The following NIBAN2 variants were observed in gnomAD, a reference collection of about 807,000 sequenced individuals.
The protein encoded by NIBAN2 is protein Niban 2.
NIBAN2 carries 36 observed loss-of-function variants against 81.8 expected under a neutral mutation model. The observed-to-expected ratio is 0.44, with a 90% CI of 0.34 to 0.58. NIBAN2 has a LOEUF of 0.58. NIBAN2 is among the 20% of genes least tolerant of loss of function. NIBAN2 has a pLI of 0.02. For missense variants in NIBAN2, 897 were observed against 1,014.1 expected (o/e 0.88, Z 1.57); for synonymous variants, 445 against 441.6 (o/e 1.01, Z -0.10).
At chr9:127,546,031 C>A (rs1390797688) in intron 1 of NIBAN2, among the ~76,000 whole-genome samples, 1 of 152,164 alleles carries the variant, frequency 6.6e-6, no homozygotes, top group Non-Finnish European at 1.5e-5. Context: ...AGCGTCACCA[C>A]CCAGAGCAGG....
At position 127,527,244 on chromosome 9, in the gene NIBAN2, A is replaced by G; in HGVS notation, c.265T>C (p.Phe89Leu). ...CCGTAGTTGTGGGGCACGAGGCTGA[A>G]GCGGTTTCTCCACTTCTTGCTGTCC... ...QEDSKKWRNR[F>L]SLVPHNYGLV... The change falls in exon 3 of 14, where the codon TTC (phenylalanine) becomes CTC (leucine). Residue 89 changes from phenylalanine (F) to leucine (L), a missense_variant. Around this residue, in one of 3 missense-constraint regions of NIBAN2, gnomAD observed 209 missense variants for 208.4 expected, o/e 1.00. Transcript: ENST00000373312. 6.2e-7 allele frequency: 1 copy of G among 1,613,824 alleles called. No individual in the cohort carries two copies. Among genetic ancestry groups the G allele is most frequent in the Non-Finnish European group, 8.5e-7 (1 of 1,179,968 alleles).
At position 127,507,357 on chromosome 9, in the gene NIBAN2, T is replaced by C. The variant is rs374596457; in HGVS notation, c.1729A>G (p.Asn577Asp). 1.9e-6 allele frequency: 3 copies of C among 1,539,518 alleles called. No individual in the cohort carries two copies. Among genetic ancestry groups the C allele is most frequent in the Non-Finnish European group, 1.8e-6 (2 of 1,141,200 alleles). ...DSMVMHNSDP[N>D]LHLLAEGAPI... The stretch of plus-strand genomic sequence containing the variant: ...GCGCCCTCGGCCAGCAGGTGCAGGT[T>C]GGGGTCGCTGTTGTGCATGACCATG... Residue 577 changes from asparagine to aspartate, a missense_variant, in exon 14 of 14, where the codon AAC becomes GAC. Physicochemically the swap from Asn to Asp is conservative, Grantham distance 23. Coordinates refer to ENST00000373312, the MANE Select transcript of NIBAN2 (RefSeq NM_022833.4). The surrounding 1 kb of genome is among the most constrained non-coding windows in gnomAD (Gnocchi z 6.8).
At chr9:127,519,657 A>T (rs1406200614) in intron 5 of NIBAN2, among the ~76,000 whole-genome samples, 2 of 152,194 alleles carry the variant, frequency 1.3e-5, no homozygotes, top group Non-Finnish European at 2.9e-5. Context: ...TCATCCCTAC[A>T]GCGCAGCTGC....
chr9:127,533,699 G>A (rs1009573660), intron 1 of NIBAN2, among the ~76,000 whole-genome samples: 4 of 152,250 alleles, frequency 2.6e-5, no homozygotes, highest in African/African-American at 7.2e-5. Context: ...GCTTGGGTGC[G>A]TGGAGGAGGT....
chr9:127,552,654 T>C (rs1454509636), intron 1 of NIBAN2, among the ~76,000 whole-genome samples: 4 of 149,984 alleles, frequency 2.7e-5, no homozygotes, highest in Admixed American at 1.3e-4. Flanking sequence ...TAAGTTAAAA[T>C]ATAGACTATT....
chr9:127,516,926 G>T lies in NIBAN2; in HGVS notation c.904C>A (p.Gln302Lys). ...TCCATGTCAGTTCGGATGACGGCCT[G>T]CATGGCCGGCTGCACCTGCTGCACC... ...SKVQQVQPAMQAVIRTDMDQI... is the reference protein window; with the variant it reads ...SKVQQVQPAMKAVIRTDMDQI... Residue 302 changes from glutamine (Q) to lysine (K), a missense_variant, in exon 8 of 14, where the codon CAG becomes AAG. Around this residue, in one of 3 missense-constraint regions of NIBAN2, gnomAD observed 619 missense variants for 691.0 expected, o/e 0.90. Coordinates refer to ENST00000373312, the MANE Select transcript of NIBAN2 (RefSeq NM_022833.4). 1.2e-6 allele frequency: 2 copies of T among 1,614,192 alleles called. No homozygotes were observed. The highest frequency in any genetic ancestry group is 2.7e-5 in the African/African-American group (2 of 75,056).
Position 127,578,528 on chromosome 9 carries a change from G to A in NIBAN2, c.16+394C>T, listed in dbSNP as rs945445043. 7.2e-5 allele frequency among the ~76,000 whole-genome samples: 11 copies of A among 151,948 alleles called. No homozygotes were observed. The East Asian group carries it at 1.9e-3, about 27-fold the overall frequency. The stretch of plus-strand genomic sequence containing the variant: ...TACAAAAAAATTAGCTGGGCATGGC[G>A]GTGGGGCCCTGTCATCCCAGCTACT... On this transcript the variant is annotated intron_variant, in intron 1 of 13. Coordinates refer to the NIBAN2 transcript ENST00000373314.
intron 1 of NIBAN2, among the ~76,000 whole-genome samples, chr9:127,540,514 A>C (rs1233020582): frequency 6.6e-6 from 1 of 152,166 alleles, no homozygotes. Context: ...TTTTGCTTGG[A>C]CACGTGCCCC....
Position 127,507,020 on chromosome 9 carries a change from T to A in NIBAN2, c.2066A>T (p.Glu689Val), listed in dbSNP as rs1229664414. 1 of 1,591,716 alleles carries A rather than the reference T, an allele frequency of 6.3e-7. No individual in the cohort carries two copies. Among genetic ancestry groups the A allele is most frequent in the South Asian group, 1.1e-5 (1 of 88,940 alleles). Residue 689 changes from glutamate (E) to valine (V), a missense_variant, in exon 14 of 14, where the codon GAG (glutamate) becomes GTG (valine). Transcript: ENST00000373312. The surrounding 1 kb of genome is among the most constrained non-coding windows in gnomAD (Gnocchi z 6.8). ...GGGTGAGGCAGGCGGCGAGGAGGCC[T>A]CGGGGGCGGCCTTAGGCTGGGGACT... is the stretch of plus-strand genomic sequence containing the variant. ...GESPQPKAAP[E>V]ASSPPASPLQ...
At chr9:127,535,018 T>C (rs1229441626) in intron 1 of NIBAN2, among the ~76,000 whole-genome samples, 2 of 150,756 alleles carry the variant, frequency 1.3e-5, no homozygotes, top group Admixed American at 6.8e-5. Flanking sequence ...CCAGTGCTGT[T>C]GTTTTCCTAT....
intron 1 of NIBAN2, among the ~76,000 whole-genome samples, chr9:127,575,211 A>G (rs1438155860): frequency 6.8e-6 from 1 of 146,414 alleles, no homozygotes; most frequent in Non-Finnish European, 1.5e-5. Flanking sequence ...CCCACCTCAC[A>G]GCTTATGAAA....
chr9:127,531,751 A>G lies in NIBAN2; in HGVS notation c.83T>C (p.Phe28Ser). The G allele has an allele frequency of 6.2e-7, 1 of 1,614,160 alleles. No individual in the cohort carries two copies. Among genetic ancestry groups the G allele is most frequent in the Non-Finnish European group, 8.5e-7 (1 of 1,180,026 alleles). ...AEKTGKILTE[F>S]LQFYEDQYGV... ...ATACTGGTCTTCATAGAACTGGAGG[A>G]ACTCCGTCAGGATCTTCCCGGTTTT... Residue 28 changes from phenylalanine to serine, a missense_variant, in exon 2 of 14, where the codon TTC becomes TCC. Phe to Ser is a radical substitution (Grantham distance 155). This residue lies in a region of NIBAN2 where 209 missense variants were observed against 208.4 expected (regional missense o/e 1.00). Coordinates refer to ENST00000373312, the MANE Select transcript of NIBAN2 (RefSeq NM_022833.4).
intron 4 of NIBAN2, 39 bp downstream of exon 4, chr9:127,525,019 T>G: frequency 6.6e-7 from 1 of 1,508,248 alleles, no homozygotes; most frequent in Non-Finnish European, 9.2e-7. Flanking sequence ...TCCAGATGCC[T>G]GTGCAGGGCA....
intron 1 of NIBAN2, among the ~76,000 whole-genome samples, chr9:127,535,316 T>C (rs541278392): frequency 6.6e-6 from 1 of 152,222 alleles, no homozygotes; most frequent in South Asian, 2.1e-4. Context: ...ACAGTCCAGA[T>C]ATGGTGTCCA....
At chr9:127,543,359 TGGAAGGTCCAGGGCCTTGTCCCA>T (rs1837416259) in intron 1 of NIBAN2, among the ~76,000 whole-genome samples, 1 of 152,260 alleles carries the variant, frequency 6.6e-6, no homozygotes, top group Admixed American at 6.5e-5. Context: ...AGACAGAGGC[TGGAAGGTCCAGGGCCTTGTCCCA>T]GGTCAGCCGG....
In NIBAN2 at chr9:127,523,669, G is replaced by C; in HGVS notation, c.589+10C>G. 6.2e-7 allele frequency: 1 copy of C among 1,604,422 alleles called. No homozygotes were observed. Among genetic ancestry groups the C allele is most frequent in the Non-Finnish European group, 8.5e-7 (1 of 1,172,274 alleles). ...CCCTCCCACCGACCCTGCACCCACA[G>C]GCCACTCACCATTGTTGCAGTGCCG... On this transcript the variant is annotated intron_variant, in intron 5 of 13. Coordinates refer to ENST00000373312, the MANE Select transcript of NIBAN2 (RefSeq NM_022833.4).
intron 1 of NIBAN2, among the ~76,000 whole-genome samples, chr9:127,544,706 G>A (rs967741059): frequency 1.3e-5 from 2 of 152,112 alleles, no homozygotes; most frequent in African/African-American, 2.4e-5. Flanking sequence ...GTTTCACCAC[G>A]TTGGTCAGGC....
chr9:127,511,631 T>A (rs1836737903), intron 8 of NIBAN2, among the ~76,000 whole-genome samples: 1 of 152,300 alleles, frequency 6.6e-6, no homozygotes, highest in South Asian at 2.1e-4. Context: ...CTGATCTTTC[T>A]GAAACCATGA....
At position 127,557,774 on chromosome 9, in the gene NIBAN2, A is replaced by T. The variant is rs191841978; in HGVS notation, c.55+11046T>A. On this transcript the variant is annotated intron_variant, in intron 1 of 13. Coordinates refer to ENST00000373312, the MANE Select transcript of NIBAN2 (RefSeq NM_022833.4). ...CCTGCCTCTGGCCAGAGAGAAATGA[A>T]GAGTTTCTGAGATCCCAGTTGGCCT... is the stretch of plus-strand genomic sequence containing the variant. Among the ~76,000 whole-genome samples, 359 of 152,328 alleles carry T rather than the reference A, an allele frequency of 2.4e-3. 4 individuals carry two copies. Among genetic ancestry groups the T allele is most frequent in the African/African-American group, 8.2e-3 (339 of 41,582 alleles).
Sources: gnomAD v4.1 joint callset for allele counts (sites outside exome capture counted in the v4.1 genomes callset) on GRCh38, gnomAD v4.1.1 for gene constraint, gnomAD v4.1.1 regional missense constraint, Gnocchi (gnomAD v3.1) non-coding constraint, MANE v1.5 for transcripts, NCBI Gene and HGNC (gene_info 2026-07-23, HGNC 2026-07-21) for gene names.